FOXO3: variants seen among roughly 807,000 people sequenced by gnomAD.
FOXO3 encodes the protein forkhead box protein O3.
Under a neutral mutation model 41.9 loss-of-function variants are expected in FOXO3, and 4 were observed. That is an observed-to-expected ratio of 0.10 (90% CI 0.05 to 0.22). The LOEUF is 0.22. Ranked by LOEUF, FOXO3 falls within the 10% of genes least tolerant of loss-of-function variation. The pLI, the probability that FOXO3 is intolerant of heterozygous loss-of-function variation, is 1.00. For synonymous variants in FOXO3, 318 were observed against 389.3 expected (o/e 0.82, Z 2.16); for missense variants, 534 against 906.8 (o/e 0.59, Z 5.28).
At chr6:108,619,037 C>T (rs1173147868) in intron 1 of FOXO3, among the ~76,000 whole-genome samples, 3 of 152,156 alleles carry the variant, frequency 2.0e-5, no homozygotes, top group Non-Finnish European at 4.4e-5. Context: ...GAAATTAAGT[C>T]CTATACTGCC....
intron 1 of FOXO3, among the ~76,000 whole-genome samples, chr6:108,562,434 T>C (rs1436053132): frequency 6.6e-6 from 1 of 152,150 alleles, no homozygotes; most frequent in Non-Finnish European, 1.5e-5. Context: ...CTTGCCTATA[T>C]TGATACCTTT....
chr6:108,596,796 G>A (rs1316248619), intron 1 of FOXO3, among the ~76,000 whole-genome samples: 1 of 152,290 alleles, frequency 6.6e-6, no homozygotes, highest in South Asian at 2.1e-4. Context: ...CGTACCAGCA[G>A]ACTGAAGCCC....
chr6:108,578,187 C>T (rs746898452), intron 1 of FOXO3, among the ~76,000 whole-genome samples: 4 of 152,124 alleles, frequency 2.6e-5, no homozygotes, highest in Non-Finnish European at 4.4e-5. Flanking sequence ...TTCAACATCA[C>T]GTAGGAACAT....
At chr6:108,675,976 C>T (rs906204654) in intron 2 of FOXO3, among the ~76,000 whole-genome samples, 2 of 152,146 alleles carry the variant, frequency 1.3e-5, no homozygotes, top group Admixed American at 1.3e-4. Context: ...ATTTCCCTTT[C>T]TTAGAGTATC....
intron 1 of FOXO3, among the ~76,000 whole-genome samples, chr6:108,623,969 T>C (rs527283478): frequency 1.1e-4 from 16 of 152,362 alleles, no homozygotes; most frequent in African/African-American, 3.6e-4. Context: ...AGTATTAAGT[T>C]AATGGACAAG....
At chr6:108,678,815 C>T (rs911061489) in intron 2 of FOXO3, among the ~76,000 whole-genome samples, 1 of 150,852 alleles carries the variant, frequency 6.6e-6, no homozygotes, top group African/African-American at 2.4e-5. Context: ...ATCTCTTGAG[C>T]CCAGGAGTTC....
intron 2 of FOXO3, among the ~76,000 whole-genome samples, chr6:108,674,721 G>T (rs367719911): frequency 4.2e-4 from 64 of 152,280 alleles, no homozygotes; most frequent in African/African-American, 1.4e-3. Context: ...CGGAGGGTTT[G>T]TTCCCAGAAG....
At chr6:108,587,551 G>A (rs145871935) in intron 1 of FOXO3, among the ~76,000 whole-genome samples, 266 of 152,104 alleles carry the variant, frequency 1.7e-3, no homozygotes, top group African/African-American at 6.1e-3. Context: ...ACACACACAC[G>A]CCCCACACAC....
At chr6:108,560,652 CGGGAGGCACTA>C (rs1775747137), upstream of FOXO3, among the ~76,000 whole-genome samples, 1 of 151,996 alleles carries the variant, frequency 6.6e-6, no homozygotes, top group Non-Finnish European at 1.5e-5. Context: ...GGCGGCGCCG[CGGGAGGCACTA>C]GAGCGGGCCC....
At chr6:108,644,299 A>G (rs879466116) in intron 1 of FOXO3, among the ~76,000 whole-genome samples, 1 of 152,206 alleles carries the variant, frequency 6.6e-6, no homozygotes, top group Non-Finnish European at 1.5e-5. Context: ...AGTACGTATG[A>G]AACACTTAGA....
chr6:108,561,348 C>T lies in FOXO3; in HGVS notation c.140C>T (p.Pro47Leu), dbSNP rs529898185. 1.0e-5 allele frequency: 16 copies of T among 1,569,796 alleles called. No homozygotes were observed. The highest frequency in any genetic ancestry group is 9.4e-5 in the East Asian group (4 of 42,636). ...RPELQASPAKPSGETAADSMI... is the reference protein window; with the variant it reads ...RPELQASPAKLSGETAADSMI... ...GAGCTCCAAGCGAGCCCTGCCAAGC[C>T]CTCGGGGGAGACGGCCGCCGACTCC... Residue 47 changes from proline (P) to leucine (L), a missense_variant, in exon 1 of 3, where the codon CCC (proline) becomes CTC (leucine). By Grantham distance (98) the Pro-to-Leu change is moderately conservative. Transcript: ENST00000406360.
At chr6:108,665,353 C>T (rs1779018650) in intron 2 of FOXO3, among the ~76,000 whole-genome samples, 1 of 152,120 alleles carries the variant, frequency 6.6e-6, no homozygotes, top group East Asian at 1.9e-4. Flanking sequence ...GTTACATGTT[C>T]TTCATCTTTT....
At chr6:108,576,289 A>G (rs1776260299) in intron 1 of FOXO3, among the ~76,000 whole-genome samples, 1 of 152,180 alleles carries the variant, frequency 6.6e-6, no homozygotes, top group Non-Finnish European at 1.5e-5. Context: ...TTTGGGCCAT[A>G]TTTTAGGTTT....
intron 1 of FOXO3, among the ~76,000 whole-genome samples, chr6:108,594,531 C>T (rs558031202): frequency 1.3e-5 from 2 of 152,300 alleles, no homozygotes; most frequent in African/African-American, 4.8e-5. Context: ...TTCCCTCCTT[C>T]CCTGCCTCAG....
At chr6:108,657,806 T>C (rs969768296) in intron 1 of FOXO3, among the ~76,000 whole-genome samples, 23 of 152,286 alleles carry the variant, frequency 1.5e-4, no homozygotes, top group African/African-American at 4.8e-4. Flanking sequence ...TGGGGAAACA[T>C]TGGAGTTCTG....
At chr6:108,580,893 G>A (rs1303048043) in intron 1 of FOXO3, among the ~76,000 whole-genome samples, 1 of 152,156 alleles carries the variant, frequency 6.6e-6, no homozygotes, top group Non-Finnish European at 1.5e-5. Flanking sequence ...TTATTCTTAG[G>A]GATGGGACAC....
chr6:108,560,775 C>T (rs913030162), upstream of FOXO3: 4 of 299,236 alleles, frequency 1.3e-5, no homozygotes, highest in Non-Finnish European at 2.4e-5. Context: ...CGCGGCCGCC[C>T]CTCCCCCGGG....
At chr6:108,596,715 G>C (rs1338779080) in intron 1 of FOXO3, among the ~76,000 whole-genome samples, 1 of 152,098 alleles carries the variant, frequency 6.6e-6, no homozygotes, top group Non-Finnish European at 1.5e-5. Flanking sequence ...TTTAAAAAGT[G>C]ATCTGTGGTT....
At chr6:108,597,255 T>G (rs1776911903) in intron 1 of FOXO3, among the ~76,000 whole-genome samples, 1 of 152,202 alleles carries the variant, frequency 6.6e-6, no homozygotes, top group African/African-American at 2.4e-5. Flanking sequence ...AGTGTCCCCT[T>G]GAGCCATTAG....
Sources: allele counts gnomAD v4.1 joint callset (sites outside exome capture counted in the v4.1 genomes callset), GRCh38; gene constraint gnomAD v4.1.1; transcripts MANE v1.5; gene names NCBI Gene and HGNC (gene_info 2026-07-23, HGNC 2026-07-21).